Variants in GPHN observed in about 807,000 individuals in gnomAD.
The protein encoded by GPHN is gephyrin.
A neutral mutation model predicts 95.5 loss-of-function variants in GPHN; 17 were observed. The ratio of observed to expected loss-of-function variants is 0.18; its 90% CI spans 0.12 to 0.27. GPHN has a LOEUF of 0.27. GPHN is among the 10% of genes least tolerant of loss of function. The pLI, the probability that GPHN is intolerant of heterozygous loss-of-function variation, is 1.00. For missense variants in GPHN, 660 were observed against 978.1 expected, an observed-to-expected ratio of 0.67 and a Z score of 4.34; for synonymous variants, 320 against 322.5, an observed-to-expected ratio of 0.99 and a Z score of 0.08.
chr14:66,795,351 TA>T (rs1477327757), intron 3 of GPHN, among the ~76,000 whole-genome samples: 4 of 152,192 alleles, frequency 2.6e-5, no homozygotes, highest in African/African-American at 9.6e-5. Context: ...ATGACTCTTG[TA>T]AACATTTTTT....
At chr14:66,659,355 A>G (rs1255482422) in intron 1 of GPHN, among the ~76,000 whole-genome samples, 2 of 152,020 alleles carry the variant, frequency 1.3e-5, no homozygotes, top group African/African-American at 2.4e-5. Flanking sequence ...TTCTTTTAAG[A>G]TACAGAACAT....
intron 3 of GPHN, among the ~76,000 whole-genome samples, chr14:66,776,815 G>A (rs1289669861): frequency 6.6e-6 from 1 of 152,142 alleles, no homozygotes; most frequent in Non-Finnish European, 1.5e-5. Flanking sequence ...GGTGTGCATA[G>A]TGGATTATCT....
intron 2 of GPHN, among the ~76,000 whole-genome samples, chr14:66,738,869 T>A (rs2072529957): frequency 6.6e-6 from 1 of 152,150 alleles, no homozygotes; most frequent in Non-Finnish European, 1.5e-5. Flanking sequence ...CCTCATGAAA[T>A]CATTTTAATA....
intron 8 of GPHN, among the ~76,000 whole-genome samples, chr14:66,940,356 G>T (rs913185235): frequency 2.6e-5 from 4 of 152,162 alleles, no homozygotes; most frequent in Non-Finnish European, 5.9e-5. Flanking sequence ...GGGAGCAGGT[G>T]TCCCTGGTTC....
At chr14:66,862,680 C>T (rs1036088056) in intron 4 of GPHN, among the ~76,000 whole-genome samples, 2 of 152,058 alleles carry the variant, frequency 1.3e-5, no homozygotes, top group Non-Finnish European at 2.9e-5. Context: ...AAGGATGGTT[C>T]AACCTACATC....
chr14:66,539,242 T>C (rs1361809181), intron 1 of GPHN, among the ~76,000 whole-genome samples: 1 of 152,088 alleles, frequency 6.6e-6, no homozygotes, highest in Non-Finnish European at 1.5e-5. Flanking sequence ...GAAGGCTTTT[T>C]TTCTGGTAAG....
intron 5 of GPHN, among the ~76,000 whole-genome samples, chr14:66,913,806 T>C (rs1238824602): frequency 6.6e-6 from 1 of 152,180 alleles, no homozygotes; most frequent in Admixed American, 6.6e-5. Flanking sequence ...AGCTATTTGA[T>C]AAATATTGGA....
Position 66,994,864 on chromosome 14 carries a change from A to G in GPHN, c.964-28769A>G, listed in dbSNP as rs532291090. On this transcript the variant is annotated intron_variant, in intron 9 of 22. Coordinates refer to ENST00000478722, the MANE Select transcript of GPHN (RefSeq NM_020806.5). The stretch of plus-strand genomic sequence containing the variant: ...ATACTTTTTAGCACAAATCTTTGTG[A>G]TAGTTTTAAAAATTCTGAGCATTAT... Among the ~76,000 whole-genome samples, 5 of 152,336 alleles carry G rather than the reference A, an allele frequency of 3.3e-5. No individual in the cohort carries two copies. The South Asian group carries it at 1.0e-3, about 32-fold the overall frequency.
chr14:66,797,192 G>A (rs1168569494), intron 3 of GPHN, among the ~76,000 whole-genome samples: 2 of 151,510 alleles, frequency 1.3e-5, no homozygotes, highest in Non-Finnish European at 3.0e-5. Context: ...TAACCTAGGT[G>A]TCTGTTTTTA....
chr14:67,575,940 A>G, the GPHN span: 16 of 1,613,758 alleles, frequency 9.9e-6, no homozygotes, highest in African/African-American at 1.3e-5. Flanking sequence ...CTCCCACTGC[A>G]CCCTGGTGAT....
intron 12 of GPHN, among the ~76,000 whole-genome samples, chr14:67,100,254 T>A (rs1300892843): frequency 6.6e-6 from 1 of 152,218 alleles, no homozygotes; most frequent in African/African-American, 2.4e-5. Context: ...TCAGAGTACT[T>A]TACCTTTTCT....
At chr14:67,278,374 A>C in the GPHN span, among the ~76,000 whole-genome samples, 1 of 151,230 alleles carries the variant, frequency 6.6e-6, no homozygotes, top group Non-Finnish European at 1.5e-5. Context: ...CCAGTTATAA[A>C]GACTGATAAC....
intron 9 of GPHN, among the ~76,000 whole-genome samples, chr14:67,020,730 G>A (rs948051962): frequency 6.6e-6 from 1 of 152,028 alleles, no homozygotes; most frequent in Non-Finnish European, 1.5e-5. Flanking sequence ...GATTCCAGTT[G>A]AAAGGGGAAT....
chr14:66,985,137 A>G (rs2153600320), intron 9 of GPHN, among the ~76,000 whole-genome samples: 1 of 152,270 alleles, frequency 6.6e-6, no homozygotes, highest in East Asian at 1.9e-4. Context: ...GTTGGGCAGC[A>G]CAATTGTTTA....
At chr14:67,112,392 A>G (rs560030140) in intron 15 of GPHN, among the ~76,000 whole-genome samples, 5 of 152,316 alleles carry the variant, frequency 3.3e-5, no homozygotes, top group African/African-American at 1.2e-4. Context: ...ACCTTAAATT[A>G]TTTTTCTTAA....
chr14:66,949,629 G>A (rs531692301), intron 8 of GPHN, among the ~76,000 whole-genome samples: 4 of 152,150 alleles, frequency 2.6e-5, no homozygotes, highest in African/African-American at 9.6e-5. Flanking sequence ...AGGTGCTTTG[G>A]GAGACTCACT....
At chr14:66,786,210 C>A (rs1338919308) in intron 3 of GPHN, among the ~76,000 whole-genome samples, 1 of 152,034 alleles carries the variant, frequency 6.6e-6, no homozygotes, top group Non-Finnish European at 1.5e-5. Flanking sequence ...AGGAGTATTA[C>A]TACAGATCTT....
At chr14:67,279,030 G>GAT in the GPHN span, 7 of 746,300 alleles carry the variant, frequency 9.4e-6, no homozygotes, top group Non-Finnish European at 1.4e-5. Flanking sequence ...TTCCTTCATG[G>GAT]ATACTTTTTC....
At chr14:67,323,946 C>A in the GPHN span, 1 of 546,662 alleles carries the variant, frequency 1.8e-6, no homozygotes, top group Non-Finnish European at 3.2e-6. Flanking sequence ...ATATTACTTG[C>A]CCAAAAATTG....
Sources: gnomAD v4.1 joint callset for allele counts (sites outside exome capture counted in the v4.1 genomes callset) on GRCh38, gnomAD v4.1.1 for gene constraint, MANE v1.5 for transcripts, NCBI Gene and HGNC (gene_info 2026-07-23, HGNC 2026-07-21) for gene names.